Variants in PDZRN4 observed in about 807,000 individuals in gnomAD.
PDZRN4 encodes the protein PDZ domain containing ring finger 4, also known as PDZ domain-containing RING finger protein 4.
PDZRN4 carries 70 observed loss-of-function variants against 99.0 expected under a neutral mutation model. The observed-to-expected ratio is 0.71, with a 90% CI of 0.58 to 0.86. The LOEUF (loss-of-function observed/expected upper bound fraction) is 0.86. Among genes scored for constraint, PDZRN4 ranks in the 40% least tolerant of loss-of-function variants. The pLI, the probability that PDZRN4 is intolerant of heterozygous loss-of-function variation, is 0.00. For missense variants in PDZRN4, 1,474 were observed against 1,331.2 expected, an observed-to-expected ratio of 1.11 and a Z score of -1.67; for synonymous variants, 551 against 501.6, an observed-to-expected ratio of 1.10 and a Z score of -1.32.
At chr12:41,359,567 T>C (rs934071576) in intron 3 of PDZRN4, among the ~76,000 whole-genome samples, 6 of 151,964 alleles carry the variant, frequency 3.9e-5, no homozygotes, top group Non-Finnish European at 8.8e-5. Context: ...GGGGGGTTCT[T>C]TCCCATTATG....
At chr12:41,191,408 T>G in intron 1 of PDZRN4, 50 bp from the exon 2 acceptor site, 1 of 902,190 alleles carries the variant, frequency 1.1e-6, no homozygotes, top group Non-Finnish European at 1.8e-6. Context: ...AGGATTTATT[T>G]TTCTTTTATA....
intron 5 of PDZRN4, 78 bp downstream of exon 5, chr12:41,509,991 T>C: frequency 1.5e-6 from 1 of 680,590 alleles, no homozygotes. Flanking sequence ...AGAAATTAAT[T>C]TATTACAGTG....
chr12:41,309,138 T>A (rs966992547), intron 3 of PDZRN4, among the ~76,000 whole-genome samples: 7 of 152,284 alleles, frequency 4.6e-5, no homozygotes, highest in Non-Finnish European at 1.5e-5. Flanking sequence ...ATACTTTCAG[T>A]AGGGAAGGCC....
intron 3 of PDZRN4, among the ~76,000 whole-genome samples, chr12:41,292,436 G>C (rs575286026): frequency 1.3e-5 from 2 of 152,264 alleles, no homozygotes; most frequent in South Asian, 4.1e-4. Context: ...CAGTAAAAGG[G>C]CCCTGTAAGA....
intron 3 of PDZRN4, chr12:41,460,148 C>G (rs1952857392): frequency 9.1e-7 from 1 of 1,097,524 alleles, no homozygotes; most frequent in South Asian, 1.5e-5. Flanking sequence ...TTACTGTTAC[C>G]TTTTTATGTA....
rs139485436 is a variant in PDZRN4 at position 41,223,964 on chromosome 12, G to T, written c.843+29776G>T. On this transcript the variant is annotated intron_variant, in intron 3 of 9. Transcript: ENST00000402685. Reference sequence around the variant, plus strand: ...TTCAGCCACGGCCTTCCACTAAAGAGGCCTCTGACCAGAAGGGTCCTGGAC... The same window carrying T: ...TTCAGCCACGGCCTTCCACTAAAGATGCCTCTGACCAGAAGGGTCCTGGAC... Among the ~76,000 whole-genome samples the T allele has an allele frequency of 4.7e-3, 722 of 152,360 alleles. 19 individuals are homozygous for T. Among genetic ancestry groups the T allele is most frequent in the Non-Finnish European group, 1.5e-3 (102 of 68,040 alleles).
At chr12:41,539,459 C>G (rs775982467) in intron 5 of PDZRN4, among the ~76,000 whole-genome samples, 2 of 151,956 alleles carry the variant, frequency 1.3e-5, no homozygotes, top group Non-Finnish European at 2.9e-5. Context: ...CAGAGAAAAG[C>G]AATTTGGGAA....
At chr12:41,288,467 T>C (rs1429619082) in intron 3 of PDZRN4, among the ~76,000 whole-genome samples, 1 of 152,194 alleles carries the variant, frequency 6.6e-6, no homozygotes, top group Non-Finnish European at 1.5e-5. Context: ...TCCTGTTGTT[T>C]TATTGCCTGG....
chr12:41,508,885 C>T (rs1454684968), intron 4 of PDZRN4, among the ~76,000 whole-genome samples: 1 of 152,136 alleles, frequency 6.6e-6, no homozygotes, highest in Non-Finnish European at 1.5e-5. Context: ...AAAAGATCCA[C>T]ACTGGCAGGA....
intron 5 of PDZRN4, among the ~76,000 whole-genome samples, chr12:41,526,024 C>T (rs1207487400): frequency 6.6e-6 from 1 of 152,148 alleles, no homozygotes; most frequent in African/African-American, 2.4e-5. Flanking sequence ...AAGACCAAAT[C>T]CAGTCCTACC....
chr12:41,470,345 T>C (rs1253007306), intron 3 of PDZRN4, among the ~76,000 whole-genome samples: 1 of 152,166 alleles, frequency 6.6e-6, no homozygotes, highest in Non-Finnish European at 1.5e-5. Context: ...TATTGGATAC[T>C]CTTTTGTTTT....
At chr12:41,481,924 A>G (rs1287108300) in intron 3 of PDZRN4, among the ~76,000 whole-genome samples, 1 of 152,210 alleles carries the variant, frequency 6.6e-6, no homozygotes, top group African/African-American at 2.4e-5. Flanking sequence ...CCGATTAAGA[A>G]GAATAATTTA....
chr12:41,231,438 C>G (rs1951029310), intron 3 of PDZRN4, among the ~76,000 whole-genome samples: 1 of 152,016 alleles, frequency 6.6e-6, no homozygotes, highest in African/African-American at 2.4e-5. Context: ...AAAAACACTG[C>G]AAGGTAGTAT....
chr12:41,536,101 T>C (rs560452581), intron 5 of PDZRN4, among the ~76,000 whole-genome samples: 1 of 152,326 alleles, frequency 6.6e-6, no homozygotes, highest in South Asian at 2.1e-4. Context: ...ACTGTCAACA[T>C]TGAGGCTGAG....
intron 3 of PDZRN4, among the ~76,000 whole-genome samples, chr12:41,227,728 A>T (rs780655285): frequency 6.6e-6 from 1 of 152,062 alleles, no homozygotes; most frequent in South Asian, 2.1e-4. Flanking sequence ...TAGTGTGACC[A>T]TGTGCATATG....
At chr12:41,307,331 C>A (rs1209793700) in intron 3 of PDZRN4, among the ~76,000 whole-genome samples, 1 of 152,194 alleles carries the variant, frequency 6.6e-6, no homozygotes, top group Non-Finnish European at 1.5e-5. Context: ...GCTGCCTTCT[C>A]ATTCTATATC....
At chr12:41,486,010 G>C (rs1389089623) in intron 3 of PDZRN4, among the ~76,000 whole-genome samples, 1 of 152,092 alleles carries the variant, frequency 6.6e-6, no homozygotes, top group Non-Finnish European at 1.5e-5. Context: ...ATTATTATGT[G>C]AAAAATCACA....
chr12:41,384,015 T>G (rs1952146511), intron 3 of PDZRN4, among the ~76,000 whole-genome samples: 1 of 82,802 alleles, frequency 1.2e-5, no homozygotes, highest in Admixed American at 1.5e-4. Flanking sequence ...TTTTTTTTTT[T>G]TTTTTGAGAC....
At chr12:41,311,271 A>AT (rs5797724) in intron 3 of PDZRN4, among the ~76,000 whole-genome samples, 10 of 150,064 alleles carry the variant, frequency 6.7e-5, no homozygotes, top group African/African-American at 2.5e-4. Flanking sequence ...AGCAATGAGA[A>AT]TTTTTTTTTT....
Sources: gnomAD v4.1 joint callset for allele counts (sites outside exome capture counted in the v4.1 genomes callset) on GRCh38, gnomAD v4.1.1 for gene constraint, MANE v1.5 for transcripts, NCBI Gene and HGNC (gene_info 2026-07-23, HGNC 2026-07-21) for gene names.